PHF21A: variants seen among roughly 807,000 people sequenced by gnomAD.
The protein encoded by PHF21A is PHD finger protein 21A.
PHF21A carries 11 observed loss-of-function variants against 82.5 expected under a neutral mutation model. The ratio of observed to expected loss-of-function variants is 0.13; its 90% CI spans 0.08 to 0.22. The LOEUF is 0.22. Among genes scored for constraint, PHF21A ranks in the 10% least tolerant of loss-of-function variants. The pLI is 1.00. For synonymous variants in PHF21A, 297 were observed against 302.8 expected (o/e 0.98, Z 0.20); for missense variants, 579 against 837.8 (o/e 0.69, Z 3.81).
intron 1 of PHF21A, among the ~76,000 whole-genome samples, chr11:46,098,070 C>A (rs1171999489): frequency 6.6e-6 from 1 of 152,164 alleles, no homozygotes; most frequent in Non-Finnish European, 1.5e-5. Context: ...TCCTTCAGTA[C>A]CTAGGAAAGT....
chr11:46,112,936 G>A (rs2097236375), intron 1 of PHF21A, among the ~76,000 whole-genome samples: 1 of 144,368 alleles, frequency 6.9e-6, no homozygotes, highest in Non-Finnish European at 1.5e-5. Context: ...TATAGTAGCT[G>A]ATAAAAAATA....
chr11:46,032,905 T>C (rs1381573462), intron 6 of PHF21A, among the ~76,000 whole-genome samples: 1 of 152,198 alleles, frequency 6.6e-6, no homozygotes, highest in East Asian at 1.9e-4. Flanking sequence ...AATGTATAAG[T>C]ATGTATACAT....
intron 6 of PHF21A, among the ~76,000 whole-genome samples, chr11:46,028,446 C>T (rs892185815): frequency 2.0e-5 from 3 of 151,920 alleles, no homozygotes; most frequent in African/African-American, 7.3e-5. Flanking sequence ...AATAATTATA[C>T]AATCTACTGC....
chr11:45,971,109 G>A lies in PHF21A; in HGVS notation c.612+7C>T. On this transcript the variant is annotated splice_region_variant and intron_variant, in intron 8 of 18. Coordinates refer to ENST00000676320, the MANE Select transcript of PHF21A (RefSeq NM_001352027.3). ...TGATCACACATGAGGAGCAGCTGCT[G>A]GCTTACCAGAGTGACTGTGTTTTTT... 1 of 1,613,954 alleles carries A rather than the reference G, an allele frequency of 6.2e-7. No individual in the cohort carries two copies. Among genetic ancestry groups the A allele is most frequent in the Admixed American group, 1.7e-5 (1 of 60,024 alleles).
chr11:46,110,606 A>G (rs2097200990), intron 1 of PHF21A, among the ~76,000 whole-genome samples: 1 of 152,166 alleles, frequency 6.6e-6, no homozygotes, highest in South Asian at 2.1e-4. Flanking sequence ...CCTTATATTT[A>G]GCCCTTTGTA....
chr11:45,952,203 T>C (rs528845918), intron 11 of PHF21A, among the ~76,000 whole-genome samples: 1 of 152,348 alleles, frequency 6.6e-6, no homozygotes, highest in East Asian at 1.9e-4. Context: ...ATGGCAGTGA[T>C]TCTGTCCAAC....
intron 1 of PHF21A, among the ~76,000 whole-genome samples, chr11:46,105,636 T>C (rs2097145088): frequency 6.6e-6 from 1 of 152,016 alleles, no homozygotes; most frequent in Non-Finnish European, 1.5e-5. Flanking sequence ...ACAAAAGGAA[T>C]GAATGAGTCT....
Position 45,965,310 on chromosome 11 carries a change from T to C in PHF21A, c.996+5A>G. The C allele has an allele frequency of 6.2e-7, 1 of 1,613,470 alleles. No homozygotes were observed. Among genetic ancestry groups the C allele is most frequent in the Non-Finnish European group, 8.5e-7 (1 of 1,179,720 alleles). On this transcript the variant is annotated splice_donor_5th_base_variant and intron_variant, in intron 10 of 18. Coordinates refer to ENST00000676320, the MANE Select transcript of PHF21A (RefSeq NM_001352027.3). ...GCCCAGAGCAGGTACATACTCTGCC[T>C]GTACCTGTTTTTCAAGACTTGGCTT...
chr11:46,093,509 T>C (rs1207952394), intron 1 of PHF21A, among the ~76,000 whole-genome samples: 1 of 152,250 alleles, frequency 6.6e-6, no homozygotes, highest in Non-Finnish European at 1.5e-5. Flanking sequence ...CTGTCCTTTT[T>C]AAAGTTCTCA....
chr11:46,099,288 T>C (rs1172067249), intron 1 of PHF21A, among the ~76,000 whole-genome samples: 1 of 152,142 alleles, frequency 6.6e-6, no homozygotes, highest in Non-Finnish European at 1.5e-5. Flanking sequence ...CTCAGTATAC[T>C]ACAGTCCTTG....
At chr11:45,937,593 G>T (rs765902113) in intron 16 of PHF21A, among the ~76,000 whole-genome samples, 4 of 152,204 alleles carry the variant, frequency 2.6e-5, no homozygotes, top group Non-Finnish European at 5.9e-5. Flanking sequence ...CGATTCTCCT[G>T]CCTCAGCTTC....
intron 16 of PHF21A, 75 bp from the exon 17 acceptor site, chr11:45,936,644 T>C: frequency 2.1e-6 from 2 of 931,774 alleles, no homozygotes; most frequent in Non-Finnish European, 3.5e-6. Flanking sequence ...CTAGCAGTGG[T>C]ATCTGTGGCT....
At chr11:46,106,223 T>C (rs2097150522) in intron 1 of PHF21A, among the ~76,000 whole-genome samples, 6 of 152,222 alleles carry the variant, frequency 3.9e-5, no homozygotes, top group Admixed American at 3.9e-4. Context: ...TTGCTTTTTA[T>C]TTGAACTCCT....
intron 1 of PHF21A, among the ~76,000 whole-genome samples, chr11:46,113,022 AATC>A (rs1430873748): frequency 6.6e-6 from 1 of 152,250 alleles, no homozygotes; most frequent in Non-Finnish European, 1.5e-5. Context: ...GCAGCATAAT[AATC>A]ATAATATTAG....
At chr11:45,943,673 A>G (rs1191357819) in intron 15 of PHF21A, among the ~76,000 whole-genome samples, 1 of 152,236 alleles carries the variant, frequency 6.6e-6, no homozygotes, top group Non-Finnish European at 1.5e-5. Context: ...CTATCATTAG[A>G]TAACAGTTTG....
At chr11:45,942,846 G>A (rs1275314263) in intron 15 of PHF21A, among the ~76,000 whole-genome samples, 1 of 152,106 alleles carries the variant, frequency 6.6e-6, no homozygotes, top group African/African-American at 2.4e-5. Flanking sequence ...ATCTTAGGAT[G>A]GTCAATGACA....
In PHF21A at chr11:46,060,320, T is replaced by C. The variant is rs1007107701; in HGVS notation, c.153+16434A>G. Among the ~76,000 whole-genome samples, 11 of 152,142 alleles carry C rather than the reference T, an allele frequency of 7.2e-5. 1 individual carries two copies. Among genetic ancestry groups the C allele is most frequent in the South Asian group, 4.1e-4 (2 of 4,832 alleles). On this transcript the variant is annotated intron_variant, in intron 6 of 18. Transcript: ENST00000676320. ...AACCATGAATTACTTTTATAAACTTTTGAAAAACAAATGTTTAAAGAAATG... is the reference window on the plus strand; with the variant it reads ...AACCATGAATTACTTTTATAAACTTCTGAAAAACAAATGTTTAAAGAAATG...
intron 11 of PHF21A, 54 bp downstream of exon 11, chr11:45,953,473 G>T: frequency 9.2e-7 from 1 of 1,089,706 alleles, no homozygotes. Flanking sequence ...CCTGGTACAT[G>T]AGAATAAACC....
chr11:45,938,204 T>C lies in PHF21A; in HGVS notation c.1561A>G (p.Lys521Glu). ...ATCCACATGCCCTTGGGAATTGTTT[T>C]CAGAGGGGGGTCTAAGCAGTCCAAA... is the stretch of plus-strand genomic sequence containing the variant. ...YHLDCLDPPLKTIPKGMWICP... is the reference protein window; with the variant it reads ...YHLDCLDPPLETIPKGMWICP... Residue 521 changes from lysine (K) to glutamate (E), a missense_variant, in exon 16 of 19, where the codon AAA becomes GAA. Physicochemically the swap from Lys to Glu is moderately conservative, Grantham distance 56 (BLOSUM62 1). Transcript: ENST00000676320. 6.2e-7 allele frequency: 1 copy of C among 1,607,138 alleles called. No individual in the cohort carries two copies. The highest frequency in any genetic ancestry group is 8.5e-7 in the Non-Finnish European group (1 of 1,176,986).
Sources: allele counts gnomAD v4.1 joint callset (sites outside exome capture counted in the v4.1 genomes callset), GRCh38; gene constraint gnomAD v4.1.1; transcripts MANE v1.5; gene names NCBI Gene and HGNC (gene_info 2026-07-23, HGNC 2026-07-21).